ATP8A2: variants seen among roughly 807,000 people sequenced by gnomAD.
ATP8A2 encodes the protein ATPase phospholipid transporting 8A2, also known as phospholipid-transporting ATPase IB.
Under a neutral mutation model 165.6 loss-of-function variants are expected in ATP8A2, and 100 were observed. The ratio of observed to expected loss-of-function variants is 0.60; its 90% confidence interval spans 0.51 to 0.71. ATP8A2 has a LOEUF of 0.71. Ranked by LOEUF, ATP8A2 falls within the 30% of genes least tolerant of loss-of-function variation. The probability of loss-of-function intolerance (pLI) is 0.00; values close to 1 mark genes in which losing one functional copy is unlikely to be tolerated. For synonymous variants in ATP8A2, 543 were observed against 548.8 expected (o/e 0.99, Z 0.15); for missense variants, 1,227 against 1,479.5 (o/e 0.83, Z 2.80).
At position 26,025,171 on chromosome 13, in the gene ATP8A2, A is replaced by G. The variant is rs1384423522; in HGVS notation, c.*5186A>G. 6.6e-6 allele frequency: 1 copy of G among 150,918 alleles called. No individual in the cohort carries two copies. The highest frequency in any genetic ancestry group is 1.5e-5 in the Non-Finnish European group (1 of 67,838). 9.3% of individuals were successfully genotyped at this position (150,918 alleles called of 1,614,324 possible). A position where few individuals can be genotyped will look rare whatever the true frequency, so the allele number is the denominator to read the frequency against. ...AGAAAAAAAGGAAACCAGCCCTGTC[A>G]TGGAATTTCTCTCCTTCCCTGCACA... On this transcript the variant is annotated 3_prime_UTR_variant, in exon 37 of 37. Transcript: ENST00000381655.
chr13:25,586,737 G>A (rs1445744030), intron 23 of ATP8A2, among the ~76,000 whole-genome samples: 1 of 152,116 alleles, frequency 6.6e-6, no homozygotes, highest in Non-Finnish European at 1.5e-5. Context: ...GGTGTGGAAG[G>A]ATACATTGTT....
intron 25 of ATP8A2, among the ~76,000 whole-genome samples, chr13:25,723,082 G>C (rs1230567158): frequency 6.6e-6 from 1 of 152,152 alleles, no homozygotes; most frequent in Non-Finnish European, 1.5e-5. Flanking sequence ...TTATTCTCCT[G>C]GTGATAGACA....
At chr13:25,646,579 T>C (rs138769676) in intron 24 of ATP8A2, among the ~76,000 whole-genome samples, 5,103 of 138,468 alleles carry the variant, frequency 0.037, 148 homozygotes, top group East Asian at 0.14. Flanking sequence ...TGCTTGAACC[T>C]GGAAGGTGGA....
chr13:25,868,661 A>C (rs935427825), intron 33 of ATP8A2, among the ~76,000 whole-genome samples: 3 of 152,206 alleles, frequency 2.0e-5, no homozygotes, highest in African/African-American at 7.2e-5. Context: ...AAGTTAAGAC[A>C]GTACCGACTT....
intron 2 of ATP8A2, among the ~76,000 whole-genome samples, chr13:25,497,602 C>T (rs2036716882): frequency 6.6e-6 from 1 of 152,230 alleles, no homozygotes; most frequent in South Asian, 2.1e-4. Flanking sequence ...AAATATCTAT[C>T]ATTTAGACCA....
At chr13:25,772,560 G>T (rs1364217794) in intron 26 of ATP8A2, among the ~76,000 whole-genome samples, 1 of 151,846 alleles carries the variant, frequency 6.6e-6, no homozygotes, top group Non-Finnish European at 1.5e-5. Flanking sequence ...TGAGCCCCGC[G>T]CCTTCCCCTC....
chr13:25,439,790 C>T (rs2034881175), intron 1 of ATP8A2, among the ~76,000 whole-genome samples: 1 of 152,004 alleles, frequency 6.6e-6, no homozygotes, highest in East Asian at 1.9e-4. Context: ...CCTGTAGTCC[C>T]CAGCTACTTG....
At chr13:25,812,307 C>T (rs1399726372) in intron 27 of ATP8A2, among the ~76,000 whole-genome samples, 1 of 150,378 alleles carries the variant, frequency 6.6e-6, no homozygotes, top group East Asian at 2.1e-4. Context: ...GCACCCTCTC[C>T]TCCAGTCCCT....
chr13:25,545,429 C>T (rs372585927), intron 10 of ATP8A2, among the ~76,000 whole-genome samples: 1 of 152,074 alleles, frequency 6.6e-6, no homozygotes, highest in Admixed American at 6.5e-5. Flanking sequence ...CATGCAAGAA[C>T]TCAGGAGGCT....
chr13:25,375,016 G>C (rs1315071002), intron 1 of ATP8A2, among the ~76,000 whole-genome samples: 2 of 152,096 alleles, frequency 1.3e-5, no homozygotes, highest in African/African-American at 4.8e-5. Context: ...CTCTTATCTT[G>C]TTCTGCATAT....
chr13:25,421,544 A>T (rs867261654), intron 1 of ATP8A2, among the ~76,000 whole-genome samples: 1 of 152,364 alleles, frequency 6.6e-6, no homozygotes, highest in Middle Eastern at 3.4e-3. Flanking sequence ...TGTGTTGCCC[A>T]GGCTGATCTT....
rs1491462281 is a variant in ATP8A2, at chr13:25,435,950, TGA to T, written c.77-33025_77-33024del. Among the ~76,000 whole-genome samples, 183 of 77,086 alleles carry T rather than the reference TGA, an allele frequency of 2.4e-3. 2 individuals carry two copies. The highest frequency in any genetic ancestry group is 4.7e-3 in the African/African-American group (121 of 25,486). 50.6% of individuals were successfully genotyped at this position (77,086 alleles called of 152,430 possible). A position where few individuals can be genotyped will look rare whatever the true frequency, so the allele number is the denominator to read the frequency against. On this transcript the variant is annotated intron_variant, in intron 1 of 36. Transcript: ENST00000381655. The stretch of plus-strand genomic sequence containing the variant: ...GTGTGTGAGTGTGTGTGTGTGTGTG[TGA>T]GTGTGTGTGTGTGTGTGTGTATGTG...
intron 25 of ATP8A2, among the ~76,000 whole-genome samples, chr13:25,728,716 GCTGT>G (rs74635720): frequency 0.076 from 11,512 of 152,166 alleles, 470 homozygotes; most frequent in East Asian, 0.12. Flanking sequence ...AGGTCACAGG[GCTGT>G]CTGTGAACAG....
At chr13:25,758,872 G>C (rs1021417967) in intron 25 of ATP8A2, among the ~76,000 whole-genome samples, 3 of 152,186 alleles carry the variant, frequency 2.0e-5, no homozygotes, top group Non-Finnish European at 4.4e-5. Context: ...TAAGTGGCTT[G>C]TTAAACAGTC....
intron 28 of ATP8A2, among the ~76,000 whole-genome samples, chr13:25,834,442 T>G (rs1309642525): frequency 6.6e-6 from 1 of 152,174 alleles, no homozygotes; most frequent in Non-Finnish European, 1.5e-5. Context: ...TATGTTATAA[T>G]ATAGTATAGA....
At chr13:25,734,434 G>T (rs1262660885) in intron 25 of ATP8A2, among the ~76,000 whole-genome samples, 1 of 152,196 alleles carries the variant, frequency 6.6e-6, no homozygotes, top group East Asian at 1.9e-4. Flanking sequence ...GTAGGTAACA[G>T]GTTTATCTCT....
chr13:25,702,452 T>A (rs2042970881), intron 25 of ATP8A2, among the ~76,000 whole-genome samples: 1 of 152,230 alleles, frequency 6.6e-6, no homozygotes, highest in South Asian at 2.1e-4. Flanking sequence ...GCATATATAG[T>A]CAGCACTCCA....
At chr13:25,708,289 A>G (rs1207956806) in intron 25 of ATP8A2, among the ~76,000 whole-genome samples, 1 of 152,124 alleles carries the variant, frequency 6.6e-6, no homozygotes, top group African/African-American at 2.4e-5. Context: ...TTGCCTTGTG[A>G]TGGTATTTGT....
At chr13:25,464,247 T>C (rs2035576133) in intron 1 of ATP8A2, among the ~76,000 whole-genome samples, 1 of 152,170 alleles carries the variant, frequency 6.6e-6, no homozygotes, top group African/African-American at 2.4e-5. Context: ...CCCTCCTCTT[T>C]AACCCTTTTT....
Sources: gnomAD v4.1 joint callset for allele counts (sites outside exome capture counted in the v4.1 genomes callset) on GRCh38, gnomAD v4.1.1 for gene constraint, MANE v1.5 for transcripts, NCBI Gene and HGNC (gene_info 2026-07-23, HGNC 2026-07-21) for gene names.